The following PHEX variants were observed in gnomAD, a reference collection of about 807,000 sequenced individuals.
The protein encoded by PHEX is phosphate regulating endopeptidase X-linked, also known as phosphate-regulating neutral endopeptidase PHEX.
A neutral mutation model predicts 68.0 loss-of-function variants in PHEX; 16 were observed. That is an observed-to-expected ratio of 0.24 (90% CI 0.16 to 0.36). PHEX has a LOEUF of 0.36. PHEX is among the 10% of genes least tolerant of loss of function. The probability of loss-of-function intolerance (pLI) is 1.00; values close to 1 mark genes in which losing one functional copy is unlikely to be tolerated. For synonymous variants in PHEX, 208 were observed against 205.1 expected (o/e 1.01, Z -0.12); for missense variants, 480 against 575.5 (o/e 0.83, Z 1.70).
At chrX:22,039,843 T>G (rs899352773) in intron 2 of PHEX, among the ~76,000 whole-genome samples, 15 of 111,249 alleles carry the variant, frequency 1.3e-4, no homozygotes, top group Non-Finnish European at 2.1e-4. Context: ...GGCTGAGGCA[T>G]GAGAATTGCT....
intron 3 of PHEX, 36 bp downstream of exon 3, chrX:22,047,247 A>G (rs1461888031): frequency 9.1e-7 from 1 of 1,099,580 alleles, no homozygotes; most frequent in East Asian, 3.0e-5. Context: ...TACACTTTAT[A>G]GAGAGCAATA....
chrX:22,221,751 C>A lies in PHEX; in HGVS notation c.1899+8C>A. 1 of 1,201,057 alleles carries A rather than the reference C, an allele frequency of 8.3e-7. No individual in the cohort carries two copies. Among genetic ancestry groups the A allele is most frequent in the Non-Finnish European group, 1.1e-6 (1 of 885,929 alleles). ...AAGAAAGCTGGCTTAAATGTGAGTACAACTGTGGCTAAGGGGGGCACCTTG... is the reference window on the plus strand; with the variant it reads ...AAGAAAGCTGGCTTAAATGTGAGTAAAACTGTGGCTAAGGGGGGCACCTTG... On this transcript the variant is annotated splice_region_variant and intron_variant, in intron 18 of 21. Transcript: ENST00000379374.
At chrX:22,040,780 T>C (rs1927240403) in intron 2 of PHEX, among the ~76,000 whole-genome samples, 1 of 109,727 alleles carries the variant, frequency 9.1e-6, no homozygotes, top group Non-Finnish European at 1.9e-5. Context: ...CCAGTGAGTT[T>C]GGGCTTTCCT....
rs747237564 is a variant in PHEX, at chrX:22,077,606, G to C, written c.567G>C (p.Gln189His). 3 of 1,211,203 alleles carry C rather than the reference G, an allele frequency of 2.5e-6. No individual in the cohort carries two copies. The East Asian group carries it at 8.9e-5, about 36-fold the overall frequency. The change falls in exon 5 of 22, where the codon CAG (glutamine) becomes CAC (histidine). Residue 189 changes from glutamine to histidine, a missense_variant. Coordinates refer to ENST00000379374, the MANE Select transcript of PHEX (RefSeq NM_000444.6). ...CAGAGAGAAAGTTCAGCCTTCTGCA[G>C]ACACTTGCAACGTTTCGTGGTCAAT... is the stretch of plus-strand genomic sequence containing the variant. The part of the protein sequence containing the change: ...VWSERKFSLL[Q>H]TLATFRGQYS...
At chrX:22,091,640 CTG>C (rs2147036798) in intron 6 of PHEX, among the ~76,000 whole-genome samples, 1 of 112,012 alleles carries the variant, frequency 8.9e-6, no homozygotes, top group African/African-American at 3.2e-5. Context: ...GCTTTCAAGG[CTG>C]CCTCATGACT....
intron 15 of PHEX, among the ~76,000 whole-genome samples, chrX:22,208,069 C>T (rs1170604635): frequency 1.1e-5 from 1 of 93,309 alleles, no homozygotes; most frequent in Non-Finnish European, 2.1e-5. Flanking sequence ...CCTGTGTACA[C>T]ACACACTTAT....
chrX:22,176,753 G>A (rs1433612081), intron 13 of PHEX, among the ~76,000 whole-genome samples: 1 of 110,735 alleles, frequency 9.0e-6, no homozygotes, highest in Non-Finnish European at 1.9e-5. Context: ...TGTTTTGCAT[G>A]TTTAAAAACT....
intron 18 of PHEX, among the ~76,000 whole-genome samples, chrX:22,225,499 A>AGAT (rs956794618): frequency 3.6e-5 from 4 of 111,701 alleles, no homozygotes; most frequent in African/African-American, 1.3e-4. Context: ...GTAAAGGGCC[A>AGAT]GATAGTAAAG....
At chrX:22,041,217 CT>C (rs1428398469) in intron 2 of PHEX, among the ~76,000 whole-genome samples, 2 of 94,841 alleles carry the variant, frequency 2.1e-5, no homozygotes, top group Non-Finnish European at 4.2e-5. Context: ...TAGTAGAGTT[CT>C]TTTTTTGTTC....
At chrX:22,221,907 A>G (rs1427099888) in intron 18 of PHEX, among the ~76,000 whole-genome samples, 164 bp downstream of exon 18, 2 of 111,912 alleles carry the variant, frequency 1.8e-5, no homozygotes, top group African/African-American at 6.5e-5. Context: ...GCTGAATCAG[A>G]ATCTTTGGGG....
intron 20 of PHEX, among the ~76,000 whole-genome samples, chrX:22,233,067 G>A (rs1051522586): frequency 9.0e-6 from 1 of 111,466 alleles, no homozygotes; most frequent in East Asian, 2.8e-4. Flanking sequence ...AGCTTAGTTT[G>A]GCTGGATATG....
intron 3 of PHEX, among the ~76,000 whole-genome samples, chrX:22,056,828 A>G (rs1205097356): frequency 9.2e-6 from 1 of 108,352 alleles, no homozygotes; most frequent in Non-Finnish European, 1.9e-5. Flanking sequence ...ATCCTCATGG[A>G]AATTACAATC....
In PHEX at chrX:22,098,995, T is replaced by C; in HGVS notation, c.934-11T>C. Reference sequence around the variant, plus strand: ...GATTCTCTCATTCTGTTTTGTTCTCTCTCCCCTCAGTTCGACTGGCTGGGC... The same window carrying C: ...GATTCTCTCATTCTGTTTTGTTCTCCCTCCCCTCAGTTCGACTGGCTGGGC... On this transcript the variant is annotated splice_polypyrimidine_tract_variant and intron_variant, in intron 8 of 21. Transcript: ENST00000379374. 1.7e-6 allele frequency: 2 copies of C among 1,207,299 alleles called. No homozygotes were observed. Among genetic ancestry groups the C allele is most frequent in the Non-Finnish European group, 2.2e-6 (2 of 892,964 alleles).
intron 12 of PHEX, among the ~76,000 whole-genome samples, chrX:22,142,131 A>G (rs1932493701): frequency 9.0e-6 from 1 of 111,654 alleles, no homozygotes; most frequent in Admixed American, 9.5e-5. Context: ...AGGCGCCTGT[A>G]ATCCCAGCTA....
intron 9 of PHEX, among the ~76,000 whole-genome samples, chrX:22,110,103 A>G (rs1271833625): frequency 8.9e-6 from 1 of 112,329 alleles, no homozygotes; most frequent in Non-Finnish European, 1.9e-5. Flanking sequence ...TCCAAAGGCA[A>G]AGAATACATA....
intron 15 of PHEX, among the ~76,000 whole-genome samples, chrX:22,210,106 T>C (rs753035812): frequency 8.9e-6 from 1 of 112,104 alleles, no homozygotes; most frequent in East Asian, 2.8e-4. Context: ...GATAAGATAT[T>C]GAGTTGACCC....
intron 3 of PHEX, among the ~76,000 whole-genome samples, chrX:22,053,134 A>G (rs1927915118): frequency 8.9e-6 from 1 of 111,840 alleles, no homozygotes; most frequent in African/African-American, 3.2e-5. Flanking sequence ...AAGATTCATG[A>G]AGTAATGTCT....
At chrX:22,246,917 G>A (rs1013634404) in intron 21 of PHEX, among the ~76,000 whole-genome samples, 2 of 111,626 alleles carry the variant, frequency 1.8e-5, no homozygotes, top group African/African-American at 6.5e-5. Context: ...GAAATAGAAG[G>A]GGGGAAGTTT....
intron 9 of PHEX, 46 bp from the exon 10 acceptor site, chrX:22,111,421 A>T (rs1301011852): frequency 4.1e-6 from 4 of 982,620 alleles, no homozygotes; most frequent in Non-Finnish European, 5.8e-6. Flanking sequence ...AGAGCATCAG[A>T]TATTGACCTA....
Sources: gnomAD v4.1 joint callset for allele counts (sites outside exome capture counted in the v4.1 genomes callset) on GRCh38, gnomAD v4.1.1 for gene constraint, MANE v1.5 for transcripts, NCBI Gene and HGNC (gene_info 2026-07-23, HGNC 2026-07-21) for gene names.